Variants in GLB1 observed in about 807,000 individuals in gnomAD.
GLB1 encodes beta-galactosidase.
A neutral mutation model predicts 74.0 loss-of-function variants in GLB1; 56 were observed. The observed-to-expected ratio is 0.76, with a 90% CI of 0.61 to 0.94. The LOEUF (loss-of-function observed/expected upper bound fraction) is 0.94, where lower values mean the gene tolerates loss of function less well. Among genes scored for constraint, GLB1 ranks in the 40% least tolerant of loss-of-function variants. GLB1 has a pLI of 0.00. For missense variants in GLB1, 787 were observed against 845.5 expected (o/e 0.93, Z 0.86); for synonymous variants, 323 against 323.6 (o/e 1.00, Z 0.02).
chr3:32,972,290 C>T, the GLB1 span, among the ~76,000 whole-genome samples: 6 of 152,174 alleles, frequency 3.9e-5, no homozygotes, highest in African/African-American at 1.4e-4. Flanking sequence ...AATAGGCTGG[C>T]TTTAGATTAC....
At chr3:32,968,733 GC>G in the GLB1 span, among the ~76,000 whole-genome samples, 2 of 152,304 alleles carry the variant, frequency 1.3e-5, no homozygotes, top group East Asian at 3.9e-4. Context: ...AATCAAAGAA[GC>G]CTTGACTCAG....
the GLB1 span, among the ~76,000 whole-genome samples, chr3:32,985,727 A>T: frequency 1.3e-5 from 2 of 152,012 alleles, no homozygotes; most frequent in African/African-American, 2.4e-5. Flanking sequence ...ATTTTTTGAG[A>T]TGGAGTCTCA....
rs1247384353 is a variant in GLB1 at position 33,051,943 on chromosome 3, T to C, written c.854A>G (p.Lys285Arg). 3.1e-6 allele frequency: 5 copies of C among 1,614,122 alleles called. No homozygotes were observed. The highest frequency in any genetic ancestry group is 3.4e-6 in the Non-Finnish European group (4 of 1,180,056). Residue 285 changes from lysine (K) to arginine (R), a missense_variant, in exon 8 of 16, where the codon AAG becomes AGG. Coordinates refer to ENST00000307363, the MANE Select transcript of GLB1 (RefSeq NM_000404.4). Reference protein sequence around the residue: ...DHWGQPHSTIKTEAVASSLYD... With the variant: ...DHWGQPHSTIRTEAVASSLYD... ...GAGGGAGGAAGCCACTGCTTCGGTC[T>C]TGATTGTGGAGTGAGGTTGGCCCCA...
intron 1 of GLB1, among the ~76,000 whole-genome samples, chr3:33,095,876 C>CT (rs1307494986): frequency 1.3e-5 from 2 of 152,210 alleles, no homozygotes; most frequent in East Asian, 1.9e-4. Flanking sequence ...CAAGAAAACT[C>CT]TGTCTACATA....
chr3:33,090,338 G>A (rs888171851), intron 1 of GLB1: 10 of 943,744 alleles, frequency 1.1e-5, no homozygotes, highest in Non-Finnish European at 1.3e-5. Flanking sequence ...CGTCATGCTT[G>A]TTAAAGCTGG....
chr3:33,003,985 G>A (rs1027941663), intron 15 of GLB1, among the ~76,000 whole-genome samples: 1 of 151,984 alleles, frequency 6.6e-6, no homozygotes, highest in African/African-American at 2.4e-5. Flanking sequence ...AGCTGAGATC[G>A]TGTCGCTGCA....
chr3:33,064,050 C>T (rs1431058746), intron 5 of GLB1, among the ~76,000 whole-genome samples: 1 of 152,108 alleles, frequency 6.6e-6, no homozygotes, highest in African/African-American at 2.4e-5. Flanking sequence ...AAGAAGGAAG[C>T]CTGGCCCACA....
chr3:33,072,601 A>T lies in GLB1; in HGVS notation c.188T>A (p.Phe63Tyr), dbSNP rs1228819238. The T allele has an allele frequency of 6.2e-7, 1 of 1,613,958 alleles. No individual in the cohort carries two copies. The highest frequency in any genetic ancestry group is 8.5e-7 in the Non-Finnish European group (1 of 1,180,050). ...GSIHYSRVPR[F>Y]YWKDRLLKMK... is the part of the protein sequence containing the mutation. ...CTTCAGCAGCCGGTCCTTCCAGTAGAAGCGGGGCACACGGGAGTAGTGAAT... is the reference window on the plus strand; with the variant it reads ...CTTCAGCAGCCGGTCCTTCCAGTAGTAGCGGGGCACACGGGAGTAGTGAAT... Residue 63 changes from phenylalanine to tyrosine, a missense_variant, in exon 2 of 16, where the codon TTC (phenylalanine) becomes TAC (tyrosine). By Grantham distance (22) the Phe-to-Tyr change is conservative. Coordinates refer to ENST00000307363, the MANE Select transcript of GLB1 (RefSeq NM_000404.4).
the GLB1 span, among the ~76,000 whole-genome samples, chr3:32,990,519 T>C: frequency 6.6e-6 from 1 of 152,122 alleles, no homozygotes; most frequent in Non-Finnish European, 1.5e-5. Flanking sequence ...ACCCACCTAC[T>C]AAAATAGTTA....
At chr3:33,092,664 C>T in intron 1 of GLB1, 1 of 1,399,272 alleles carries the variant, frequency 7.1e-7, no homozygotes, top group East Asian at 2.5e-5. Flanking sequence ...CCAGCCTGAA[C>T]ATGCCAGGCA....
At chr3:33,061,793 C>T (rs1368893146) in intron 5 of GLB1, 3 of 152,204 alleles carry the variant, frequency 2.0e-5, no homozygotes, top group African/African-American at 4.8e-5. Context: ...TTATCAATGG[C>T]TTTAGCTTTT....
intron 1 of GLB1, chr3:33,092,363 G>A (rs1004580254): frequency 2.0e-6 from 2 of 987,758 alleles, no homozygotes; most frequent in African/African-American, 3.5e-5. Context: ...CAAATTACCT[G>A]GCAACACTAC....
At chr3:32,985,104 C>CAAA in the GLB1 span, among the ~76,000 whole-genome samples, 9 of 61,942 alleles carry the variant, frequency 1.5e-4, no homozygotes, top group Non-Finnish European at 2.5e-4. Flanking sequence ...AACTCTGTCT[C>CAAA]AAAAAAAAAA....
the GLB1 span, among the ~76,000 whole-genome samples, chr3:32,981,090 CAAAAAAAAAAAAAAA>C: frequency 2.2e-5 from 1 of 46,288 alleles, no homozygotes; most frequent in African/African-American, 8.8e-5. Context: ...GACTCCGTCT[CAAAAAAAAAAAAAAA>C]AAAAAAAAAA....
chr3:33,018,533 G>A lies in GLB1; in HGVS notation c.1262C>T (p.Thr421Ile). 6.2e-7 allele frequency: 1 copy of A among 1,614,058 alleles called. No individual in the cohort carries two copies. Among genetic ancestry groups the A allele is most frequent in the Admixed American group, 1.7e-5 (1 of 60,000 alleles). Residue 421 changes from threonine (T) to isoleucine (I), a missense_variant, in exon 13 of 16, where the codon ACA (threonine) becomes ATA (isoleucine). Transcript: ENST00000307363. ...QHYGFVLYRTTLPQDCSNPAP... is the reference protein window; with the variant it reads ...QHYGFVLYRTILPQDCSNPAP... ...TGGGTTGCTGCAATCTTGAGGAAGT[G>A]TTGTCCGGTACAGCACAAACCCATA...
chr3:33,014,082 AG>A lies in GLB1; in HGVS notation c.1707del (p.Phe570LeufsTer30). ...PSGIPDLPQD[T>X]FIQFPGWTKG... is the part of the protein sequence containing the mutation. ...TTGGTCCATCCAGGAAACTGGATAAAGGTGTCCTGGGGCAAGTCTGGGATCC... is the reference window on the plus strand; with the variant it reads ...TTGGTCCATCCAGGAAACTGGATAAAGTGTCCTGGGGCAAGTCTGGGATCC... On this transcript the variant is annotated frameshift_variant, in exon 15 of 16. Coordinates refer to ENST00000307363, the MANE Select transcript of GLB1 (RefSeq NM_000404.4). LOFTEE classifies it low-confidence loss of function (END_TRUNC). 6.2e-7 allele frequency: 1 copy of A among 1,614,204 alleles called. No individual in the cohort carries two copies. The highest frequency in any genetic ancestry group is 1.1e-5 in the South Asian group (1 of 91,088).
At position 33,097,116 on chromosome 3, in the gene GLB1, G is replaced by A. The variant is rs909346841; in HGVS notation, c.-31C>T. 5 of 1,608,704 alleles carry A rather than the reference G, an allele frequency of 3.1e-6. No homozygotes were observed. The highest frequency in any genetic ancestry group is 3.4e-6 in the Non-Finnish European group (4 of 1,177,396). ...CCAGCCTCCCGGCTCTGCAGTCGGC[G>A]CCCAGGCCGGCCGCTTCGCGTCACT... On this transcript the variant is annotated 5_prime_UTR_variant, in exon 1 of 16. Coordinates refer to ENST00000307363, the MANE Select transcript of GLB1 (RefSeq NM_000404.4).
At chr3:33,013,089 CT>C in intron 15 of GLB1, among the ~76,000 whole-genome samples, 1 of 152,350 alleles carries the variant, frequency 6.6e-6, no homozygotes, top group Admixed American at 6.5e-5. Context: ...CCAATCTAGT[CT>C]CTACCTACTT....
Position 32,996,857 on chromosome 3 carries a change from C to T in GLB1, c.*188G>A. ...GCACGTTACTGTGCTGTCAGCCCCT[C>T]ACACATTCCAGGTGGTCCCTGAAGG... On this transcript the variant is annotated 3_prime_UTR_variant, in exon 16 of 16. Transcript: ENST00000307363. 2.0e-6 allele frequency: 2 copies of T among 1,018,562 alleles called. No individual in the cohort carries two copies. Among genetic ancestry groups the T allele is most frequent in the Non-Finnish European group, 2.9e-6 (2 of 698,854 alleles). The allele number at this position is 1,018,562 out of a possible 1,614,324, so 63.1% of individuals were successfully genotyped here. A position where few individuals can be genotyped will look rare whatever the true frequency, so the allele number is the denominator to read the frequency against.
Sources: allele counts gnomAD v4.1 joint callset (sites outside exome capture counted in the v4.1 genomes callset), GRCh38; gene constraint gnomAD v4.1.1; transcripts MANE v1.5; gene names NCBI Gene and HGNC (gene_info 2026-07-23, HGNC 2026-07-21).